CACNA2D1: variants seen among roughly 807,000 people sequenced by gnomAD.
CACNA2D1 encodes the protein calcium voltage-gated channel auxiliary subunit alpha2delta 1.
CACNA2D1 carries 53 observed loss-of-function variants against 171.5 expected under a neutral mutation model. That is an observed-to-expected ratio of 0.31 (90% confidence interval 0.25 to 0.39). The LOEUF is 0.39. Ranked by LOEUF, CACNA2D1 falls within the 10% of genes least tolerant of loss-of-function variation. CACNA2D1 has a pLI of 1.00. For missense variants in CACNA2D1, 903 were observed against 1,299.8 expected (o/e 0.69, Z 4.69); for synonymous variants, 442 against 443.1 (o/e 1.00, Z 0.03).
chr7:82,006,919 A>G (rs901174444), intron 16 of CACNA2D1, among the ~76,000 whole-genome samples: 4 of 152,160 alleles, frequency 2.6e-5, no homozygotes, highest in African/African-American at 9.6e-5. Context: ...CTGGAAATAA[A>G]TATCTACTCA....
chr7:82,267,723 G>A (rs890708792), intron 3 of CACNA2D1, among the ~76,000 whole-genome samples: 6 of 152,042 alleles, frequency 3.9e-5, no homozygotes, highest in African/African-American at 1.4e-4. Context: ...GGCTGGGTGT[G>A]GTGGTTCACT....
chr7:82,309,297 T>C (rs568050632), intron 3 of CACNA2D1, among the ~76,000 whole-genome samples: 3 of 151,940 alleles, frequency 2.0e-5, no homozygotes, highest in African/African-American at 7.2e-5. Flanking sequence ...TCCCAGCAAC[T>C]CAGGAGGTTG....
chr7:82,267,608 T>C lies in CACNA2D1; in HGVS notation c.294+67527A>G, dbSNP rs565613572. Reference sequence around the variant, plus strand: ...AGGGTTCTAAATAGAATCCTTCTTTTTATAACTGTCACCTCATACTTTTCC... The same window carrying C: ...AGGGTTCTAAATAGAATCCTTCTTTCTATAACTGTCACCTCATACTTTTCC... On this transcript the variant is annotated intron_variant, in intron 3 of 38. Transcript: ENST00000356860. 4.6e-5 allele frequency among the ~76,000 whole-genome samples: 7 copies of C among 152,294 alleles called. No homozygotes were observed. The South Asian group carries it at 1.5e-3, about 32-fold the overall frequency.
At chr7:82,431,212 C>G (rs1171398547) in intron 1 of CACNA2D1, among the ~76,000 whole-genome samples, 2 of 152,034 alleles carry the variant, frequency 1.3e-5, no homozygotes, top group Non-Finnish European at 2.9e-5. Flanking sequence ...TCCCTTTTTC[C>G]ATTCATTTTA....
chr7:82,338,615 T>C (rs974098820), intron 2 of CACNA2D1, among the ~76,000 whole-genome samples: 4 of 152,170 alleles, frequency 2.6e-5, no homozygotes, highest in Admixed American at 2.0e-4. Context: ...ACCATTGTAT[T>C]AGTGAGAACA....
At chr7:82,398,134 A>G (rs2129451431) in intron 1 of CACNA2D1, among the ~76,000 whole-genome samples, 1 of 152,354 alleles carries the variant, frequency 6.6e-6, no homozygotes, top group East Asian at 1.9e-4. Flanking sequence ...CTAAGATTAA[A>G]CTACAACTAT....
intron 32 of CACNA2D1, among the ~76,000 whole-genome samples, chr7:81,965,051 G>A (rs1242151786): frequency 6.6e-6 from 1 of 151,854 alleles, no homozygotes; most frequent in Non-Finnish European, 1.5e-5. Flanking sequence ...GGGCAATCAT[G>A]AGTGAATCAG....
intron 1 of CACNA2D1, among the ~76,000 whole-genome samples, chr7:82,380,644 A>C (rs559935455): frequency 6.6e-6 from 1 of 152,148 alleles, no homozygotes; most frequent in Admixed American, 6.5e-5. Context: ...CAAAATTATA[A>C]ATTTTCACAA....
chr7:82,359,168 G>A (rs1162201165), intron 1 of CACNA2D1, among the ~76,000 whole-genome samples: 1 of 152,082 alleles, frequency 6.6e-6, no homozygotes, highest in Non-Finnish European at 1.5e-5. Flanking sequence ...AACCAAATGA[G>A]CTAAAATTCT....
At chr7:81,990,078 G>T (rs547511947) in intron 21 of CACNA2D1, among the ~76,000 whole-genome samples, 2 of 152,128 alleles carry the variant, frequency 1.3e-5, no homozygotes, top group Non-Finnish European at 2.9e-5. Context: ...ACTAAGGTAG[G>T]GGGGTGACAA....
At chr7:82,005,680 T>G (rs1349461850) in intron 17 of CACNA2D1, 85 bp downstream of exon 17, 3 of 1,015,798 alleles carry the variant, frequency 3.0e-6, no homozygotes, top group Non-Finnish European at 3.1e-6. Context: ...CTGCCCATAA[T>G]TTTTGAGAAT....
chr7:82,189,104 A>G (rs1798050310), intron 3 of CACNA2D1, among the ~76,000 whole-genome samples: 1 of 151,984 alleles, frequency 6.6e-6, no homozygotes, highest in Non-Finnish European at 1.5e-5. Context: ...TTATCTGTAC[A>G]CCAAACTCCC....
intron 15 of CACNA2D1, among the ~76,000 whole-genome samples, chr7:82,010,462 A>G (rs1799654779): frequency 6.6e-6 from 1 of 151,724 alleles, no homozygotes; most frequent in Non-Finnish European, 1.5e-5. Context: ...TTGTGCTATC[A>G]GTAAGAACCT....
intron 19 of CACNA2D1, 75 bp from the exon 20 acceptor site, chr7:81,995,014 G>A: frequency 1.3e-6 from 1 of 766,018 alleles, no homozygotes. Flanking sequence ...TAACATGGTA[G>A]TTTTTCAAGT....
intron 1 of CACNA2D1, among the ~76,000 whole-genome samples, chr7:82,418,814 G>A (rs1451203610): frequency 6.6e-6 from 1 of 152,112 alleles, no homozygotes; most frequent in Non-Finnish European, 1.5e-5. Flanking sequence ...AAATTTCAGA[G>A]CCACATATAA....
At chr7:82,272,232 A>G (rs1808727263) in intron 3 of CACNA2D1, among the ~76,000 whole-genome samples, 1 of 152,216 alleles carries the variant, frequency 6.6e-6, no homozygotes, top group Admixed American at 6.5e-5. Context: ...TATATGACAA[A>G]AATATAAAAT....
At chr7:82,360,813 A>G (rs1208941637) in intron 1 of CACNA2D1, among the ~76,000 whole-genome samples, 2 of 152,334 alleles carry the variant, frequency 1.3e-5, no homozygotes, top group African/African-American at 4.8e-5. Context: ...TATAGCCCAT[A>G]GTGTAATTTG....
chr7:82,028,676 T>G (rs2131106739), intron 12 of CACNA2D1: 1 of 151,958 alleles, frequency 6.6e-6, no homozygotes, highest in Non-Finnish European at 1.5e-5. Flanking sequence ...GAAGTTGATT[T>G]CAACCCTTGT....
chr7:82,049,138 A>AAG (rs1804903978), intron 10 of CACNA2D1, among the ~76,000 whole-genome samples: 4 of 151,230 alleles, frequency 2.6e-5, no homozygotes, highest in East Asian at 1.9e-4. Context: ...AAAAAAAAAA[A>AAG]AAAAGAAAAA....
Sources: gnomAD v4.1 joint callset for allele counts (sites outside exome capture counted in the v4.1 genomes callset) on GRCh38, gnomAD v4.1.1 for gene constraint, MANE v1.5 for transcripts, NCBI Gene and HGNC (gene_info 2026-07-23, HGNC 2026-07-21) for gene names.